PEPD: variants seen among roughly 807,000 people sequenced by gnomAD.
PEPD encodes peptidase D.
PEPD carries 53 observed loss-of-function variants against 60.7 expected under a neutral mutation model. The ratio of observed to expected loss-of-function variants is 0.87; its 90% confidence interval spans 0.70 to 1.10. PEPD has a LOEUF of 1.10. Among genes scored for constraint, PEPD ranks in the 50% least tolerant of loss-of-function variants. The pLI, the probability that PEPD is intolerant of heterozygous loss-of-function variation, is 0.00. For synonymous variants in PEPD, 267 were observed against 284.1 expected (o/e 0.94, Z 0.60); for missense variants, 711 against 711.9 (o/e 1.00, Z 0.01).
chr19:33,394,529 C>CCT (rs1968319384), intron 12 of PEPD, among the ~76,000 whole-genome samples: 1 of 152,230 alleles, frequency 6.6e-6, no homozygotes, highest in African/African-American at 2.4e-5. Context: ...AGTGATTCAA[C>CCT]CTCCAGCAAC....
At chr19:33,478,567 G>A (rs535609128) in intron 6 of PEPD, among the ~76,000 whole-genome samples, 30 of 152,154 alleles carry the variant, frequency 2.0e-4, no homozygotes, top group African/African-American at 7.0e-4. Flanking sequence ...AGCAGCAAGA[G>A]AAAAGTATTA....
At chr19:33,469,837 C>T (rs1375549609) in intron 7 of PEPD, among the ~76,000 whole-genome samples, 1 of 151,776 alleles carries the variant, frequency 6.6e-6, no homozygotes, top group Admixed American at 6.6e-5. Flanking sequence ...TCCTCCCCAT[C>T]TCCTCCCCTC....
intron 9 of PEPD, among the ~76,000 whole-genome samples, chr19:33,459,610 G>C (rs890123554): frequency 6.6e-5 from 10 of 151,704 alleles, no homozygotes; most frequent in African/African-American, 2.2e-4. Flanking sequence ...TCATTCCTCT[G>C]AACCCTCAAC....
At chr19:33,446,402 C>T (rs982298553) in intron 9 of PEPD, among the ~76,000 whole-genome samples, 32 of 152,372 alleles carry the variant, frequency 2.1e-4, no homozygotes, top group African/African-American at 7.0e-4. Context: ...GCACTGGCTG[C>T]ATCCTCACCG....
chr19:33,425,196 C>T (rs996792697), intron 9 of PEPD, among the ~76,000 whole-genome samples: 2 of 152,070 alleles, frequency 1.3e-5, no homozygotes, highest in Non-Finnish European at 2.9e-5. Context: ...ATAGTGAAAC[C>T]CTGTCTCTAC....
chr19:33,520,693 AAAAG>A (rs1330348989), intron 1 of PEPD, among the ~76,000 whole-genome samples: 1 of 152,158 alleles, frequency 6.6e-6, no homozygotes, highest in African/African-American at 2.4e-5. Flanking sequence ...CTGTATCTTA[AAAAG>A]AGAGATGCAT....
At position 33,418,070 on chromosome 19, in the gene PEPD, G is replaced by A. The variant is rs953515834; in HGVS notation, c.672-4427C>T. On this transcript the variant is annotated intron_variant, in intron 9 of 14. Coordinates refer to ENST00000244137, the MANE Select transcript of PEPD (RefSeq NM_000285.4). ...CCCTCGCCCTCACGGAGCTGACCCA[G>A]GGTCCCCGCCTTCCCGGGGTGCGCC... Among the ~76,000 whole-genome samples, 90 of 152,330 alleles carry A rather than the reference G, an allele frequency of 5.9e-4. 4 individuals carry two copies. Among genetic ancestry groups the A allele is most frequent in the Non-Finnish European group, 4.7e-4 (32 of 68,024 alleles).
intron 4 of PEPD, 157 bp from the exon 5 acceptor site, chr19:33,493,494 C>T: frequency 1.4e-6 from 1 of 706,674 alleles, no homozygotes; most frequent in South Asian, 1.5e-5. Flanking sequence ...TGAAGAAACC[C>T]AGCTTCCCCT....
At chr19:33,434,138 T>C (rs985708987) in intron 9 of PEPD, among the ~76,000 whole-genome samples, 3 of 152,186 alleles carry the variant, frequency 2.0e-5, no homozygotes, top group African/African-American at 7.2e-5. Flanking sequence ...CTTCTTTTGC[T>C]AGACATCACT....
chr19:33,489,747 G>A (rs564071250), intron 6 of PEPD, among the ~76,000 whole-genome samples: 1 of 152,262 alleles, frequency 6.6e-6, no homozygotes, highest in East Asian at 1.9e-4. Context: ...CCTTGCCCCT[G>A]CCCCTGCCCT....
chr19:33,433,083 C>A (rs1180747460), intron 9 of PEPD, among the ~76,000 whole-genome samples: 1 of 152,224 alleles, frequency 6.6e-6, no homozygotes, highest in East Asian at 1.9e-4. Context: ...GTCCCCAGGG[C>A]CCCAGGAGCT....
At chr19:33,445,468 G>A (rs1333575638) in intron 9 of PEPD, among the ~76,000 whole-genome samples, 1 of 152,192 alleles carries the variant, frequency 6.6e-6, no homozygotes, top group Admixed American at 6.5e-5. Context: ...TCTGACTGTT[G>A]TCCTGATATG....
chr19:33,406,506 G>A (rs1309160717), intron 11 of PEPD, among the ~76,000 whole-genome samples: 1 of 152,242 alleles, frequency 6.6e-6, no homozygotes, highest in Non-Finnish European at 1.5e-5. Flanking sequence ...TCAGGGCAGG[G>A]CTGGCTGGTG....
intron 9 of PEPD, among the ~76,000 whole-genome samples, chr19:33,448,322 G>A (rs556065101): frequency 1.1e-4 from 16 of 152,194 alleles, no homozygotes; most frequent in Middle Eastern, 3.4e-3. Flanking sequence ...GCCTTCTCAC[G>A]GGCAGAACCA....
rs1968095452 is a variant in PEPD at position 33,387,350 on chromosome 19, G to T, written c.1476C>A (p.Pro492=). ...CTGGGATTTCTGGCTGGCTCTACTTGGGGCCAGAGAAGGGGGTAAAGGCCT... is the reference window on the plus strand; with the variant it reads ...CTGGGATTTCTGGCTGGCTCTACTTTGGGCCAGAGAAGGGGGTAAAGGCCT... ...CDKAFTPFSG[P]K Residue 492 remains proline, a synonymous_variant, in exon 15 of 15, where the codon CCC becomes CCA. Transcript: ENST00000244137. 1.2e-6 allele frequency: 2 copies of T among 1,613,934 alleles called. No homozygotes were observed. Among genetic ancestry groups the T allele is most frequent in the South Asian group, 2.2e-5 (2 of 91,082 alleles).
Position 33,401,844 on chromosome 19 carries a change from AAT to A in PEPD, c.842_843del (p.Tyr281LeufsTer26). On this transcript the variant is annotated frameshift_variant, in exon 12 of 15. Coordinates refer to ENST00000244137, the MANE Select transcript of PEPD (RefSeq NM_000285.4). LOFTEE classifies it high-confidence loss of function. ...CAGGTGATGTCGGAAGCGAAGCAGT[AAT>A]ACTCACCGCCCATGTCGAACAGGCT... Reference protein sequence around the residue: ...DMCLFDMGGEYYCFASDITCS... With the variant: ...DMCLFDMGGEXYCFASDITCS... 2 of 1,613,222 alleles carry A rather than the reference AAT, an allele frequency of 1.2e-6. No homozygotes were observed. Among genetic ancestry groups the A allele is most frequent in the Non-Finnish European group, 1.7e-6 (2 of 1,179,950 alleles).
At chr19:33,388,223 G>A (rs1199074616) in intron 13 of PEPD, 142 bp from the exon 14 acceptor site, 1 of 743,706 alleles carries the variant, frequency 1.3e-6, no homozygotes, top group Non-Finnish European at 2.4e-6. Flanking sequence ...ACTCGCCCCT[G>A]CTGTGCTGGG....
At chr19:33,515,181 C>A (rs1254687740) in intron 1 of PEPD, among the ~76,000 whole-genome samples, 1 of 152,180 alleles carries the variant, frequency 6.6e-6, no homozygotes, top group Non-Finnish European at 1.5e-5. Flanking sequence ...CTGAATGACA[C>A]ACGGGGCCAC....
At chr19:33,437,244 A>G (rs549860794) in intron 9 of PEPD, among the ~76,000 whole-genome samples, 110 of 152,258 alleles carry the variant, frequency 7.2e-4, no homozygotes, top group African/African-American at 2.6e-3. Context: ...TTTTCCTTTC[A>G]AGAGTCTTCT....
Sources: allele counts gnomAD v4.1 joint callset (sites outside exome capture counted in the v4.1 genomes callset), GRCh38; gene constraint gnomAD v4.1.1; transcripts MANE v1.5; gene names NCBI Gene and HGNC (gene_info 2026-07-23, HGNC 2026-07-21).